The following HHAT variants were observed in gnomAD, a reference collection of about 807,000 sequenced individuals.
The protein encoded by HHAT is hedgehog acyltransferase, also known as protein-cysteine N-palmitoyltransferase HHAT.
Under a neutral mutation model 70.8 loss-of-function variants are expected in HHAT, and 47 were observed. That is an observed-to-expected ratio of 0.66 (90% CI 0.53 to 0.85). The LOEUF (loss-of-function observed/expected upper bound fraction) is 0.85. Among genes scored for constraint, HHAT ranks in the 40% least tolerant of loss-of-function variants. The pLI is 0.00. For missense variants in HHAT, 609 were observed against 604.8 expected, an observed-to-expected ratio of 1.01 and a Z score of -0.07; for synonymous variants, 228 against 247.6, an observed-to-expected ratio of 0.92 and a Z score of 0.74.
intron 7 of HHAT, among the ~76,000 whole-genome samples, chr1:210,419,592 G>A (rs780891810): frequency 2.6e-5 from 4 of 152,156 alleles, no homozygotes; most frequent in Non-Finnish European, 5.9e-5. Flanking sequence ...GTACAAGCCT[G>A]ACTCCTTCTT....
intron 3 of HHAT, among the ~76,000 whole-genome samples, chr1:210,375,209 TTGA>T (rs1190619862): frequency 6.6e-6 from 1 of 152,190 alleles, no homozygotes; most frequent in African/African-American, 2.4e-5. Flanking sequence ...TGCTGCCTCT[TTGA>T]TGGCCATACT....
intron 6 of HHAT, among the ~76,000 whole-genome samples, chr1:210,407,300 G>A (rs1045385733): frequency 1.3e-5 from 2 of 152,220 alleles, no homozygotes; most frequent in African/African-American, 4.8e-5. Context: ...TGCATGAAAT[G>A]CCTTCAGCTA....
intron 2 of HHAT, among the ~76,000 whole-genome samples, chr1:210,360,304 G>GTTTTTTTTT (rs398053777): frequency 2.2e-5 from 3 of 138,182 alleles, no homozygotes; most frequent in African/African-American, 7.8e-5. Flanking sequence ...TTGTTTTTGT[G>GTTTTTTTTT]TTTTTTTTTT....
rs987575166 is a variant in HHAT, at chr1:210,403,082, G to A, written c.469-1382G>A. On this transcript the variant is annotated intron_variant, in intron 5 of 11. Coordinates refer to ENST00000261458, the MANE Select transcript of HHAT (RefSeq NM_018194.6). ...TATGTTAAGTGATTTTGTGAAAATT[G>A]TAGCATTTTGAAAGTTCAAGTATTT... 1.3e-4 allele frequency among the ~76,000 whole-genome samples: 20 copies of A among 152,292 alleles called. 1 individual carries two copies. The East Asian group carries it at 3.9e-3, about 29-fold the overall frequency.
rs774003816 is a variant in HHAT, at chr1:210,400,475, C to A, written c.281C>A (p.Pro94His). Residue 94 changes from proline to histidine, a missense_variant, in exon 5 of 12, where the codon CCC (proline) becomes CAC (histidine). Transcript: ENST00000261458. ...MATLLARKHRPWILMLYGMWA... is the reference protein window; with the variant it reads ...MATLLARKHRHWILMLYGMWA... Reference sequence around the variant, plus strand: ...GGGCCCCACCATTTGCAGCACAGACCCTGGATTCTCATGCTCTATGGGATG... The same window carrying A: ...GGGCCCCACCATTTGCAGCACAGACACTGGATTCTCATGCTCTATGGGATG... 8 of 1,610,318 alleles carry A rather than the reference C, an allele frequency of 5.0e-6. No homozygotes were observed. In the South Asian group the frequency reaches 8.9e-5, roughly 18 times the overall value.
At chr1:210,536,562 G>A (rs559105372) in intron 9 of HHAT, among the ~76,000 whole-genome samples, 6 of 152,350 alleles carry the variant, frequency 3.9e-5, no homozygotes, top group African/African-American at 1.4e-4. Flanking sequence ...AGTGGAGGTG[G>A]AAGAACAATA....
At chr1:210,453,392 T>C (rs2093794950) in intron 7 of HHAT, among the ~76,000 whole-genome samples, 1 of 152,232 alleles carries the variant, frequency 6.6e-6, no homozygotes, top group African/African-American at 2.4e-5. Context: ...TTCTATGTAG[T>C]GTGAAGATAA....
chr1:210,620,542 T>C (rs1237661051), intron 10 of HHAT, among the ~76,000 whole-genome samples: 2 of 152,184 alleles, frequency 1.3e-5, no homozygotes, highest in Non-Finnish European at 2.9e-5. Flanking sequence ...CAATGCTCTG[T>C]TCATTTTGCT....
intron 1 of HHAT, among the ~76,000 whole-genome samples, chr1:210,340,464 G>C (rs759359252): frequency 1.2e-4 from 18 of 152,042 alleles, no homozygotes; most frequent in Non-Finnish European, 2.2e-4. Flanking sequence ...TTTCTTTAAA[G>C]CCGTTGTCAT....
At chr1:210,517,541 C>T (rs753080067) in intron 9 of HHAT, among the ~76,000 whole-genome samples, 2 of 152,024 alleles carry the variant, frequency 1.3e-5, no homozygotes, top group African/African-American at 2.4e-5. Context: ...ATGGTAGCTA[C>T]CAAGGTCTGG....
intron 9 of HHAT, among the ~76,000 whole-genome samples, chr1:210,514,778 G>A (rs959110652): frequency 1.3e-5 from 2 of 152,204 alleles, no homozygotes; most frequent in African/African-American, 4.8e-5. Context: ...AGCCTACCAT[G>A]TCCACTTACT....
At chr1:210,474,009 C>T (rs2094256430) in intron 8 of HHAT, among the ~76,000 whole-genome samples, 2 of 152,178 alleles carry the variant, frequency 1.3e-5, no homozygotes. Context: ...AATTAAGTCT[C>T]ATTCTTTTCC....
chr1:210,409,381 T>C (rs2092448812), intron 6 of HHAT, among the ~76,000 whole-genome samples: 1 of 152,144 alleles, frequency 6.6e-6, no homozygotes, highest in African/African-American at 2.4e-5. Flanking sequence ...TCAAGCAGGC[T>C]GAACCAAGTA....
At chr1:210,506,208 T>C (rs1218336708) in intron 8 of HHAT, among the ~76,000 whole-genome samples, 2 of 152,182 alleles carry the variant, frequency 1.3e-5, no homozygotes, top group South Asian at 2.1e-4. Flanking sequence ...ATAATCATCA[T>C]AAATAAACTG....
intron 11 of HHAT, among the ~76,000 whole-genome samples, chr1:210,673,623 A>C (rs1398857805): frequency 6.7e-6 from 1 of 149,484 alleles, no homozygotes; most frequent in Non-Finnish European, 1.5e-5. Flanking sequence ...ACTGGGTCTA[A>C]CTCTGTGGCC....
chr1:210,329,027 G>C lies in HHAT; in HGVS notation c.-121G>C. On this transcript the variant is annotated 5_prime_UTR_variant, in exon 1 of 12. Coordinates refer to ENST00000261458, the MANE Select transcript of HHAT (RefSeq NM_018194.6). Reference sequence around the variant, plus strand: ...CCGCCGCCGATGTCGCTGGGACTCGGAAGTGCCGAAAGAGGGGTGTTGGGA... The same window carrying C: ...CCGCCGCCGATGTCGCTGGGACTCGCAAGTGCCGAAAGAGGGGTGTTGGGA... 7.0e-7 allele frequency: 1 copy of C among 1,419,236 alleles called. No individual in the cohort carries two copies. The highest frequency in any genetic ancestry group is 9.2e-7 in the Non-Finnish European group (1 of 1,087,894). 87.9% of individuals were successfully genotyped at this position (1,419,236 alleles called of 1,614,324 possible). A position where few individuals can be genotyped will look rare whatever the true frequency, so the allele number is the denominator to read the frequency against.
intron 2 of HHAT, among the ~76,000 whole-genome samples, chr1:210,351,493 ATTCTTCTT>A: frequency 1.3e-5 from 2 of 152,264 alleles, no homozygotes; most frequent in African/African-American, 4.8e-5. Flanking sequence ...TGATCAGTTT[ATTCTTCTT>A]TAGCCTGGTG....
chr1:210,563,113 G>A (rs77327022), intron 9 of HHAT, among the ~76,000 whole-genome samples: 5,453 of 152,096 alleles, frequency 0.036, 325 homozygotes, highest in African/African-American at 0.12. Context: ...ACTATACTTT[G>A]AGGCCTCTCC....
chr1:210,339,087 GT>G (rs1434322765), intron 1 of HHAT, among the ~76,000 whole-genome samples: 3 of 152,062 alleles, frequency 2.0e-5, no homozygotes, highest in Admixed American at 6.6e-5. Flanking sequence ...TAGGAACAGA[GT>G]TTCTCTGCCT....
Sources: gnomAD v4.1 joint callset for allele counts (sites outside exome capture counted in the v4.1 genomes callset) on GRCh38, gnomAD v4.1.1 for gene constraint, MANE v1.5 for transcripts, NCBI Gene and HGNC (gene_info 2026-07-23, HGNC 2026-07-21) for gene names.